SYNJ2: variants seen among roughly 807,000 people sequenced by gnomAD.
SYNJ2 encodes polyphosphatidylinositol phosphatase SYNJ2.
Under a neutral mutation model 141.3 loss-of-function variants are expected in SYNJ2, and 116 were observed. The ratio of observed to expected loss-of-function variants is 0.82; its 90% CI spans 0.71 to 0.96. SYNJ2 has a LOEUF of 0.96. Ranked by LOEUF, SYNJ2 falls within the 40% of genes least tolerant of loss-of-function variation. SYNJ2 has a pLI of 0.00. For missense variants in SYNJ2, 1,873 were observed against 1,934.8 expected, an observed-to-expected ratio of 0.97 and a Z score of 0.60; for synonymous variants, 745 against 777.7, an observed-to-expected ratio of 0.96 and a Z score of 0.70.
Position 158,071,055 on chromosome 6 carries a change from T to C in SYNJ2, c.1941-547T>C, listed in dbSNP as rs1351220715. ...AAAATTAGCCGGGCGTGATGGTGGGTACCTGTAATCCCAGCTACTCAGGAG... is the reference window on the plus strand; with the variant it reads ...AAAATTAGCCGGGCGTGATGGTGGGCACCTGTAATCCCAGCTACTCAGGAG... On this transcript the variant is annotated intron_variant, in intron 14 of 26. Coordinates refer to ENST00000355585, the MANE Select transcript of SYNJ2 (RefSeq NM_003898.4). The surrounding 1 kb of genome is among the most constrained non-coding windows in gnomAD (Gnocchi z 4.3). 6.6e-6 allele frequency among the ~76,000 whole-genome samples: 1 copy of C among 152,124 alleles called. No individual in the cohort carries two copies. Among genetic ancestry groups the C allele is most frequent in the Non-Finnish European group, 1.5e-5 (1 of 68,010 alleles).
Position 158,033,523 on chromosome 6 carries a change from T to C in SYNJ2, c.554T>C (p.Ile185Thr), listed in dbSNP as rs754151212. 1.2e-6 allele frequency: 2 copies of C among 1,614,240 alleles called. No homozygotes were observed. The highest frequency in any genetic ancestry group is 2.2e-5 in the South Asian group (2 of 91,088). ...VSCCDWLLKIICGVVTIRTVY... is the reference protein window; with the variant it reads ...VSCCDWLLKITCGVVTIRTVY... ...TGCTGTGACTGGCTGCTGAAGATCA[T>C]CTGCGGGGTGGTCACCATCCGCACC... is the stretch of plus-strand genomic sequence containing the variant. The change falls in exon 4 of 27, where the codon ATC becomes ACC. Residue 185 changes from isoleucine (I) to threonine (T), a missense_variant. Ile to Thr is a moderately conservative substitution (Grantham distance 89). Coordinates refer to ENST00000355585, the MANE Select transcript of SYNJ2 (RefSeq NM_003898.4).
chr6:158,074,482 A>C (rs1037828978), intron 15 of SYNJ2, 98 bp from the exon 16 acceptor site: 4 of 1,348,856 alleles, frequency 3.0e-6, no homozygotes, highest in African/African-American at 1.5e-5. Context: ...GCATTTTGAG[A>C]AAAATACTCC....
chr6:158,041,192 T>A (rs753100655), intron 4 of SYNJ2, among the ~76,000 whole-genome samples: 1 of 152,176 alleles, frequency 6.6e-6, no homozygotes, highest in Non-Finnish European at 1.5e-5. Flanking sequence ...AGGGCCACCC[T>A]GCTGGGCAAA....
At chr6:158,058,996 A>G (rs932658090) in intron 6 of SYNJ2, among the ~76,000 whole-genome samples, 2 of 152,258 alleles carry the variant, frequency 1.3e-5, no homozygotes, top group Non-Finnish European at 2.9e-5. Flanking sequence ...GAGGTGCTTT[A>G]TAGAAAGTGC....
intron 4 of SYNJ2, among the ~76,000 whole-genome samples, chr6:158,039,994 G>A (rs1426582043): frequency 6.6e-6 from 1 of 152,220 alleles, no homozygotes; most frequent in South Asian, 2.1e-4. Context: ...ACCGGACCAG[G>A]AGCAGACTGG....
intron 1 of SYNJ2, among the ~76,000 whole-genome samples, chr6:158,013,212 C>T (rs1356338059): frequency 6.6e-6 from 1 of 152,112 alleles, no homozygotes; most frequent in Non-Finnish European, 1.5e-5. Flanking sequence ...GAAATGCCGT[C>T]CCTACTAAAA....
At chr6:158,017,344 C>T in intron 2 of SYNJ2, 54 bp downstream of exon 2, 2 of 1,561,964 alleles carry the variant, frequency 1.3e-6, no homozygotes, top group Middle Eastern at 2.0e-4. Flanking sequence ...TGGGCAGGAG[C>T]CTCTGTGTCG....
At chr6:158,031,435 A>G (rs1294443531) in intron 3 of SYNJ2, among the ~76,000 whole-genome samples, 1 of 152,212 alleles carries the variant, frequency 6.6e-6, no homozygotes, top group African/African-American at 2.4e-5. Context: ...GAGGAGCCCC[A>G]TGGTGTCCCT....
chr6:158,071,609 G>A lies in SYNJ2; in HGVS notation c.1948G>A (p.Ala650Thr). The change falls in exon 15 of 27, where the codon GCC (alanine) becomes ACC (threonine). Residue 650 changes from alanine to threonine, a missense_variant. Coordinates refer to ENST00000355585, the MANE Select transcript of SYNJ2 (RefSeq NM_003898.4). This position sits in a 1 kb window ranked among gnomAD's most constrained non-coding sequence, Gnocchi z 4.3. ...CGTATCCTTCTGTTCCAGGGACGTA[G>A]CCATCGACACAGTGAAGACGGGCAT... The part of the protein sequence containing the change: ...PYHVPFIRDV[A>T]IDTVKTGMGG... 1 of 1,613,830 alleles carries A rather than the reference G, an allele frequency of 6.2e-7. No homozygotes were observed. Among genetic ancestry groups the A allele is most frequent in the South Asian group, 1.1e-5 (1 of 91,064 alleles).
At chr6:157,989,908 T>TGGTG in intron 1 of SYNJ2, among the ~76,000 whole-genome samples, 1 of 151,714 alleles carries the variant, frequency 6.6e-6, no homozygotes, top group South Asian at 2.1e-4. Context: ...TGGGCTTTTC[T>TGGTG]GGGGGGGGCT....
At chr6:158,031,123 T>G (rs1779337701) in intron 3 of SYNJ2, among the ~76,000 whole-genome samples, 2 of 152,160 alleles carry the variant, frequency 1.3e-5, no homozygotes, top group Non-Finnish European at 2.9e-5. Context: ...CCCCGCGAGC[T>G]GTTACATGTT....
At chr6:158,033,188 C>CTTTGGGAAAGGACAGT (rs1562341251) in intron 3 of SYNJ2, among the ~76,000 whole-genome samples, 1 of 152,228 alleles carries the variant, frequency 6.6e-6, no homozygotes, top group East Asian at 1.9e-4. Context: ...GCGACAGTGA[C>CTTTGGGAAAGGACAGT]GACCTGGTAG....
In SYNJ2 at chr6:158,033,329, C is replaced by A. The variant is rs974497013; in HGVS notation, c.486-126C>A. The stretch of plus-strand genomic sequence containing the variant: ...AAGTGCAGAGTCCACTGGGGAGCAG[C>A]ATGCATTCGCTGACCCGAAATGCTG... On this transcript the variant is annotated intron_variant, in intron 3 of 26. Coordinates refer to ENST00000355585, the MANE Select transcript of SYNJ2 (RefSeq NM_003898.4). 6.4e-6 allele frequency: 6 copies of A among 943,348 alleles called. No homozygotes were observed. The Admixed American group carries it at 1.1e-4, about 17-fold the overall frequency. The allele number at this position is 943,348 out of a possible 1,614,324, so 58.4% of individuals were successfully genotyped here.
intron 8 of SYNJ2, 141 bp downstream of exon 8, chr6:158,062,305 C>G: frequency 7.4e-7 from 1 of 1,345,400 alleles, no homozygotes; most frequent in Non-Finnish European, 9.8e-7. Flanking sequence ...CTATGAGGGG[C>G]AGCTTCCTTC....
At chr6:158,072,269 G>C (rs529951236) in intron 15 of SYNJ2, among the ~76,000 whole-genome samples, 1 of 152,170 alleles carries the variant, frequency 6.6e-6, no homozygotes, top group African/African-American at 2.4e-5. Context: ...CTGGGAACAC[G>C]GTTCTTGACC....
chr6:158,041,630 G>A (rs893408087), intron 4 of SYNJ2, among the ~76,000 whole-genome samples: 2 of 152,206 alleles, frequency 1.3e-5, no homozygotes, highest in African/African-American at 2.4e-5. Flanking sequence ...ATGTGATGCT[G>A]GAAGTGGCAT....
chr6:158,064,851 G>C lies in SYNJ2; in HGVS notation c.1385G>C (p.Arg462Pro), dbSNP rs199932988. 5.6e-6 allele frequency: 9 copies of C among 1,610,588 alleles called. No individual in the cohort carries two copies. The highest frequency in any genetic ancestry group is 1.3e-5 in the African/African-American group (1 of 74,896). ...AKVGKLKDGA[R>P]SMSRTIQSNF... is the part of the protein sequence containing the mutation. ...GTGGGGAAGCTGAAGGATGGAGCCC[G>C]GTCCATGTCTCGAACCATCCAGTCC... The change falls in exon 11 of 27, where the codon CGG becomes CCG. Residue 462 changes from arginine (R) to proline (P), a missense_variant. Transcript: ENST00000355585.
In SYNJ2 at chr6:158,070,970, G is replaced by A. The variant is rs977729283; in HGVS notation, c.1941-632G>A. On this transcript the variant is annotated intron_variant, in intron 14 of 26. Transcript: ENST00000355585. This position sits in a 1 kb window ranked among gnomAD's most constrained non-coding sequence, Gnocchi z 4.0. Reference sequence around the variant, plus strand: ...GGCCAAGGCAGGCAGATCACTTGAGGTGAGGAGTTTGAGACCAGCCTGGCC... The same window carrying A: ...GGCCAAGGCAGGCAGATCACTTGAGATGAGGAGTTTGAGACCAGCCTGGCC... 6.6e-6 allele frequency among the ~76,000 whole-genome samples: 1 copy of A among 152,144 alleles called. No individual in the cohort carries two copies. The highest frequency in any genetic ancestry group is 2.4e-5 in the African/African-American group (1 of 41,422).
Position 158,027,284 on chromosome 6 carries a change from C to T in SYNJ2, c.215-1472C>T. On this transcript the variant is annotated intron_variant, in intron 2 of 26. Coordinates refer to ENST00000355585, the MANE Select transcript of SYNJ2 (RefSeq NM_003898.4). The surrounding 1 kb of genome is among the most constrained non-coding windows in gnomAD (Gnocchi z 4.6). ...CTGTAGACAGCGGCCCTTGATCATT[C>T]ACAGAAGATCTCGCTGGGCGGATCC... is the stretch of plus-strand genomic sequence containing the variant. 11 of 825,510 alleles carry T rather than the reference C, an allele frequency of 1.3e-5. No homozygotes were observed. The highest frequency in any genetic ancestry group is 1.6e-5 in the Non-Finnish European group (11 of 684,120). The allele number at this position is 825,510 out of a possible 1,614,324, so 51.1% of individuals were successfully genotyped here. A position where few individuals can be genotyped will look rare whatever the true frequency, so the allele number is the denominator to read the frequency against.
Sources: gnomAD v4.1 joint callset for allele counts (sites outside exome capture counted in the v4.1 genomes callset) on GRCh38, gnomAD v4.1.1 for gene constraint, Gnocchi (gnomAD v3.1) non-coding constraint, MANE v1.5 for transcripts, NCBI Gene and HGNC (gene_info 2026-07-23, HGNC 2026-07-21) for gene names.